SRC: variants seen among roughly 807,000 people sequenced by gnomAD.
SRC encodes SRC proto-oncogene, non-receptor tyrosine kinase, also known as proto-oncogene tyrosine-protein kinase Src.
Under a neutral mutation model 62.9 loss-of-function variants are expected in SRC, and 13 were observed. That is an observed-to-expected ratio of 0.21 (90% CI 0.13 to 0.33). The LOEUF is 0.33. Ranked by LOEUF, SRC falls within the 10% of genes least tolerant of loss-of-function variation. The pLI is 1.00. For synonymous variants in SRC, 302 were observed against 317.5 expected, an observed-to-expected ratio of 0.95 and a Z score of 0.52; for missense variants, 457 against 737.3, an observed-to-expected ratio of 0.62 and a Z score of 4.40.
rs1420046989 is a variant in SRC at position 37,403,200 on chromosome 20, G to A, written c.1432G>A (p.Val478Met). The change falls in exon 14 of 14, where the codon GTG (valine) becomes ATG (methionine). Residue 478 changes from valine (V) to methionine (M), a missense_variant. By Grantham distance (21) the Val-to-Met change is conservative (BLOSUM62 1). This residue lies in a region of SRC where 168 missense variants were observed against 357.8 expected (regional missense o/e 0.47). Transcript: ENST00000373578. The surrounding 1 kb of genome is among the most constrained non-coding windows in gnomAD (Gnocchi z 7.1). ...GMVNREVLDQVERGYRMPCPP... is the reference protein window; with the variant it reads ...GMVNREVLDQMERGYRMPCPP... ...GGTGAACCGCGAGGTGCTGGACCAG[G>A]TGGAGCGGGGCTACCGGATGCCCTG... is the stretch of plus-strand genomic sequence containing the variant. 6.4e-7 allele frequency: 1 copy of A among 1,561,356 alleles called. No individual in the cohort carries two copies.
At chr20:37,382,227 AC>A (rs1215432074) in intron 2 of SRC, among the ~76,000 whole-genome samples, 2 of 133,726 alleles carry the variant, frequency 1.5e-5, no homozygotes, top group Non-Finnish European at 3.1e-5. Flanking sequence ...GGCTGAGGTG[AC>A]CTGTGATGCC....
At chr20:37,356,516 G>A (rs574493896) in intron 1 of SRC, among the ~76,000 whole-genome samples, 7 of 152,140 alleles carry the variant, frequency 4.6e-5, no homozygotes, top group African/African-American at 1.7e-4. Context: ...GGACAGGGGA[G>A]TGGTGGGGGG....
In SRC at chr20:37,398,803, A is replaced by G. The variant is rs920743934; in HGVS notation, c.859+949A>G. On this transcript the variant is annotated intron_variant, in intron 9 of 13. Coordinates refer to ENST00000373578, the MANE Select transcript of SRC (RefSeq NM_198291.3). This position sits in a 1 kb window ranked among gnomAD's most constrained non-coding sequence, Gnocchi z 5.2. ...AAAACTCATTTCTGGCTTGGGTGAG[A>G]GGTGCTGTCCCTGGGAAGGGCCTCA... Among the ~76,000 whole-genome samples the G allele has an allele frequency of 2.0e-5, 3 of 152,178 alleles. No individual in the cohort carries two copies. The highest frequency in any genetic ancestry group is 7.2e-5 in the African/African-American group (3 of 41,434).
In SRC at chr20:37,396,134, G is replaced by A. The variant is rs201680915; in HGVS notation, c.554-28G>A. On this transcript the variant is annotated intron_variant, in intron 7 of 13. Transcript: ENST00000373578. This position sits in a 1 kb window ranked among gnomAD's most constrained non-coding sequence, Gnocchi z 6.1. ...GGCCTGCGGGGGGAGAGGGCATGGC[G>A]GTCACGGCTCCCCTCGGTGCCCCGC... 4.7e-5 allele frequency: 75 copies of A among 1,606,776 alleles called. No individual in the cohort carries two copies. The Middle Eastern group carries it at 1.4e-3, about 30-fold the overall frequency.
In SRC at chr20:37,405,230, C is replaced by CTT. The variant is rs11479944; in HGVS notation, c.*1863_*1864dup. ...TTGTGTAAGGTGTCTTAATACTGTC[C>CTT]TTTTTTTTTTTTTAACAGTGTTTTG... is the stretch of plus-strand genomic sequence containing the variant. On this transcript the variant is annotated 3_prime_UTR_variant, in exon 14 of 14. Transcript: ENST00000373578. 3.1e-4 allele frequency: 59 copies of CTT among 193,338 alleles called. No homozygotes were observed. The highest frequency in any genetic ancestry group is 3.7e-4 in the African/African-American group (15 of 40,802). The allele number at this position is 193,338 out of a possible 1,614,324, so 12.0% of individuals were successfully genotyped here.
chr20:37,399,947 G>A (rs944542483), intron 9 of SRC, among the ~76,000 whole-genome samples, 168 bp from the exon 10 acceptor site: 1 of 152,238 alleles, frequency 6.6e-6, no homozygotes, highest in African/African-American at 2.4e-5. Context: ...TGTACCCATT[G>A]TACAGATGGG....
Position 37,397,733 on chromosome 20 carries a change from C to T in SRC, c.738C>T (p.Thr246=), listed in dbSNP as rs1263476100. The change falls in exon 9 of 14, where the codon ACC becomes ACT. Residue 246 remains threonine, a synonymous_variant. Coordinates refer to ENST00000373578, the MANE Select transcript of SRC (RefSeq NM_198291.3). The surrounding 1 kb of genome is among the most constrained non-coding windows in gnomAD (Gnocchi z 4.1). ...HADGLCHRLT[T]VCPTSKPQTQ... The stretch of plus-strand genomic sequence containing the variant: ...ATGGCCTGTGCCACCGCCTCACCAC[C>T]GTGTGCCCCACGTCCAAGCCGCAGA... 3.7e-6 allele frequency: 6 copies of T among 1,606,034 alleles called. No individual in the cohort carries two copies. Among genetic ancestry groups the T allele is most frequent in the Non-Finnish European group, 5.1e-6 (6 of 1,175,850 alleles).
chr20:37,359,791 G>A (rs905330353), intron 1 of SRC, among the ~76,000 whole-genome samples: 3 of 152,160 alleles, frequency 2.0e-5, no homozygotes, highest in Admixed American at 1.3e-4. Flanking sequence ...AGAGCAGACT[G>A]GGGGCTGAGG....
In SRC at chr20:37,384,388, G is replaced by A. The variant is rs1346600412; in HGVS notation, c.235G>A (p.Ala79Thr). Reference sequence around the variant, plus strand: ...GGACACCGTCACCTCCCCGCAGAGGGCGGGCCCGCTGGCCGGTCAGTGCGC... The same window carrying A: ...GGACACCGTCACCTCCCCGCAGAGGACGGGCCCGCTGGCCGGTCAGTGCGC... ...SSDTVTSPQR[A>T]GPLAGGVTTF... is the part of the protein sequence containing the mutation. The change falls in exon 4 of 14, where the codon GCG becomes ACG. Residue 79 changes from alanine to threonine, a missense_variant. Transcript: ENST00000373578. This position sits in a 1 kb window ranked among gnomAD's most constrained non-coding sequence, Gnocchi z 6.7. 2 of 1,432,662 alleles carry A rather than the reference G, an allele frequency of 1.4e-6. No individual in the cohort carries two copies. The highest frequency in any genetic ancestry group is 1.8e-6 in the Non-Finnish European group (2 of 1,098,190). 88.7% of individuals were successfully genotyped at this position (1,432,662 alleles called of 1,614,324 possible). A position where few individuals can be genotyped will look rare whatever the true frequency, so the allele number is the denominator to read the frequency against.
intron 2 of SRC, among the ~76,000 whole-genome samples, chr20:37,372,767 A>G (rs865781551): frequency 5.9e-5 from 9 of 151,740 alleles, no homozygotes; most frequent in Non-Finnish European, 1.2e-4. Flanking sequence ...ATATGTTGTC[A>G]TTTTTCTTAT....
At chr20:37,368,583 C>T (rs1189579724) in intron 2 of SRC, among the ~76,000 whole-genome samples, 2 of 94,394 alleles carry the variant, frequency 2.1e-5, no homozygotes, top group South Asian at 4.1e-4. Context: ...GACGGAGTCT[C>T]GCTCTGTCGC....
At chr20:37,371,395 C>G (rs541996592) in intron 2 of SRC, among the ~76,000 whole-genome samples, 1 of 152,198 alleles carries the variant, frequency 6.6e-6, no homozygotes, top group African/African-American at 2.4e-5. Context: ...CTCTTATAAT[C>G]TTTGTTTCTT....
chr20:37,395,882 C>T (rs1238175067), intron 7 of SRC, among the ~76,000 whole-genome samples: 1 of 152,388 alleles, frequency 6.6e-6, no homozygotes, highest in Admixed American at 6.5e-5. Flanking sequence ...ATAGGGCCAG[C>T]AACCCCTCCA....
chr20:37,389,712 G>A (rs919693282), intron 5 of SRC, among the ~76,000 whole-genome samples: 3 of 152,200 alleles, frequency 2.0e-5, no homozygotes, highest in African/African-American at 4.8e-5. Context: ...TGAGCCACAC[G>A]CCACCCTGGC....
In SRC at chr20:37,402,268, C is replaced by A; in HGVS notation, c.1117-167C>A. ...TGCTCCCTACTCCCGCAGAGCACTG[C>A]TCCTGCTTTCGATGCCAACAGCATT... On this transcript the variant is annotated intron_variant, in intron 11 of 13. Coordinates refer to ENST00000373578, the MANE Select transcript of SRC (RefSeq NM_198291.3). This position sits in a 1 kb window ranked among gnomAD's most constrained non-coding sequence, Gnocchi z 6.2. The A allele has an allele frequency of 3.9e-6, 3 of 765,410 alleles. No individual in the cohort carries two copies. Among genetic ancestry groups the A allele is most frequent in the Non-Finnish European group, 6.2e-6 (3 of 485,190 alleles). The allele number at this position is 765,410 out of a possible 1,614,324, so 47.4% of individuals were successfully genotyped here. A position where few individuals can be genotyped will look rare whatever the true frequency, so the allele number is the denominator to read the frequency against.
Position 37,384,482 on chromosome 20 carries a change from GC to G in SRC, c.250+84del. 1 of 1,258,086 alleles carries G rather than the reference GC, an allele frequency of 7.9e-7. No individual in the cohort carries two copies. The highest frequency in any genetic ancestry group is 9.9e-7 in the Non-Finnish European group (1 of 1,005,488). 77.9% of individuals were successfully genotyped at this position (1,258,086 alleles called of 1,614,324 possible). Reference sequence around the variant, plus strand: ...GCGGCGGGGCTGTGTGCCCGGGGTCGCCCCCTCTGCGCAGGCCCTTCCTCTC... The same window carrying G: ...GCGGCGGGGCTGTGTGCCCGGGGTCGCCCCTCTGCGCAGGCCCTTCCTCTC... On this transcript the variant is annotated intron_variant, in intron 4 of 13. Coordinates refer to ENST00000373578, the MANE Select transcript of SRC (RefSeq NM_198291.3). The surrounding 1 kb of genome is among the most constrained non-coding windows in gnomAD (Gnocchi z 6.7).
intron 1 of SRC, among the ~76,000 whole-genome samples, chr20:37,360,355 C>A (rs2069950921): frequency 6.6e-6 from 1 of 151,362 alleles, no homozygotes; most frequent in Non-Finnish European, 1.5e-5. Flanking sequence ...TCCTGAGTAG[C>A]TGGGACTACA....
chr20:37,354,240 G>A (rs771964082), intron 1 of SRC, among the ~76,000 whole-genome samples: 2 of 152,178 alleles, frequency 1.3e-5, no homozygotes, highest in African/African-American at 2.4e-5. Flanking sequence ...CTCAATCAAG[G>A]TCCTAATTTC....
Position 37,384,848 on chromosome 20 carries a change from C to G in SRC, c.250+445C>G, listed in dbSNP as rs2070426841. On this transcript the variant is annotated intron_variant, in intron 4 of 13. Coordinates refer to ENST00000373578, the MANE Select transcript of SRC (RefSeq NM_198291.3). This position sits in a 1 kb window ranked among gnomAD's most constrained non-coding sequence, Gnocchi z 6.7. ...CCGGTTGGGCCCGCGCCAGGATGCG[C>G]CCCTGCGCCCTCTGCTGGCGCTCTG... Among the ~76,000 whole-genome samples the G allele has an allele frequency of 6.6e-6, 1 of 152,190 alleles. No homozygotes were observed.
Sources: gnomAD v4.1 joint callset for allele counts (sites outside exome capture counted in the v4.1 genomes callset) on GRCh38, gnomAD v4.1.1 for gene constraint, gnomAD v4.1.1 regional missense constraint, Gnocchi (gnomAD v3.1) non-coding constraint, MANE v1.5 for transcripts, NCBI Gene and HGNC (gene_info 2026-07-23, HGNC 2026-07-21) for gene names.